Variants in TRPC4 observed in about 807,000 individuals in gnomAD.
The protein encoded by TRPC4 is short transient receptor potential channel 4.
TRPC4 carries 49 observed loss-of-function variants against 99.4 expected under a neutral mutation model. That is an observed-to-expected ratio of 0.49 (90% CI 0.39 to 0.63). The LOEUF is 0.63. TRPC4 is among the 20% of genes least tolerant of loss of function. The pLI, the probability that TRPC4 is intolerant of heterozygous loss-of-function variation, is 0.00. For synonymous variants in TRPC4, 454 were observed against 425.9 expected (o/e 1.07, Z -0.81); for missense variants, 898 against 1,152.9 (o/e 0.78, Z 3.20).
In TRPC4 at chr13:37,848,543, G is replaced by T. The variant is rs1958970325; in HGVS notation, c.-28+21052C>A. On this transcript the variant is annotated intron_variant, in intron 1 of 10. Coordinates refer to ENST00000379705, the MANE Select transcript of TRPC4 (RefSeq NM_016179.4). ...ACATAGATAGAGGGAAAATCAAGTT[G>T]CAGACAGAAGTGAGCTTGAAGTTTC... 1.3e-5 allele frequency among the ~76,000 whole-genome samples: 2 copies of T among 152,126 alleles called. 1 individual carries two copies. Among genetic ancestry groups the T allele is most frequent in the South Asian group, 4.1e-4 (2 of 4,832 alleles).
At chr13:37,787,795 G>A (rs1266594883) in intron 1 of TRPC4, among the ~76,000 whole-genome samples, 1 of 151,928 alleles carries the variant, frequency 6.6e-6, no homozygotes, top group Non-Finnish European at 1.5e-5. Context: ...TTTATCCTAG[G>A]ATTTTAAAGA....
chr13:37,647,130 C>G (rs1297210468), intron 8 of TRPC4, among the ~76,000 whole-genome samples: 2 of 152,072 alleles, frequency 1.3e-5, no homozygotes, highest in Non-Finnish European at 2.9e-5. Flanking sequence ...ATAATGGGCT[C>G]CTAGAGAGTG....
intron 1 of TRPC4, among the ~76,000 whole-genome samples, chr13:37,848,873 T>C (rs553139022): frequency 6.6e-6 from 1 of 152,276 alleles, no homozygotes; most frequent in Non-Finnish European, 1.5e-5. Flanking sequence ...GTCTATGAAG[T>C]AGAAATGAGG....
chr13:37,832,941 CCTA>C, intron 1 of TRPC4, among the ~76,000 whole-genome samples: 1 of 152,052 alleles, frequency 6.6e-6, no homozygotes, highest in Non-Finnish European at 1.5e-5. Flanking sequence ...TTTTATTTAT[CCTA>C]CTATGTCTAT....
At chr13:37,786,743 A>G (rs1334652966) in intron 1 of TRPC4, among the ~76,000 whole-genome samples, 2 of 152,128 alleles carry the variant, frequency 1.3e-5, no homozygotes, top group Non-Finnish European at 2.9e-5. Flanking sequence ...CAGAATTTTA[A>G]GAATGCTTTC....
At chr13:37,668,311 G>A (rs1952717005) in intron 5 of TRPC4, among the ~76,000 whole-genome samples, 1 of 152,182 alleles carries the variant, frequency 6.6e-6, no homozygotes, top group South Asian at 2.1e-4. Flanking sequence ...ATATAATAGA[G>A]AGGTACTTTT....
chr13:37,662,149 A>C (rs1952467433), intron 6 of TRPC4, among the ~76,000 whole-genome samples: 1 of 152,012 alleles, frequency 6.6e-6, no homozygotes, highest in Non-Finnish European at 1.5e-5. Flanking sequence ...ATCTCTACTA[A>C]AAATACAAAA....
intron 5 of TRPC4, among the ~76,000 whole-genome samples, chr13:37,666,718 T>G (rs1952658122): frequency 6.6e-6 from 1 of 152,196 alleles, no homozygotes; most frequent in Non-Finnish European, 1.5e-5. Context: ...TAGGAGCAAT[T>G]TACAAAACCT....
At chr13:37,789,845 C>A (rs1300835167) in intron 1 of TRPC4, among the ~76,000 whole-genome samples, 1 of 151,968 alleles carries the variant, frequency 6.6e-6, no homozygotes, top group Admixed American at 6.6e-5. Flanking sequence ...TTCAGAATGG[C>A]ACAAGACTTT....
intron 4 of TRPC4, among the ~76,000 whole-genome samples, chr13:37,680,560 C>T (rs1953203643): frequency 6.6e-6 from 1 of 152,238 alleles, no homozygotes; most frequent in Non-Finnish European, 1.5e-5. Flanking sequence ...ATCACAATCG[C>T]TGCCATGAGA....
At chr13:37,856,930 C>A (rs1434142496) in intron 1 of TRPC4, among the ~76,000 whole-genome samples, 4 of 151,492 alleles carry the variant, frequency 2.6e-5, no homozygotes, top group African/African-American at 4.8e-5. Context: ...AAACCCACAT[C>A]TAGTATCATA....
In TRPC4 at chr13:37,692,316, C is replaced by A. The variant is rs1306960008; in HGVS notation, c.917G>T (p.Cys306Phe). ...CCAGCGAGATGCCAGCAGCTGTTGA[C>A]AATTGGGCTGGGCAACAAACTAAAC... is the stretch of plus-strand genomic sequence containing the variant. ...RQKEFVAQPN[C>F]QQLLASRWYD... The change falls in exon 4 of 11, where the codon TGT becomes TTT. Residue 306 changes from cysteine to phenylalanine, a missense_variant. By Grantham distance (205) the Cys-to-Phe change is radical. Transcript: ENST00000379705. 1 of 1,613,472 alleles carries A rather than the reference C, an allele frequency of 6.2e-7. No individual in the cohort carries two copies. Among genetic ancestry groups the A allele is most frequent in the Admixed American group, 1.7e-5 (1 of 60,004 alleles).
intron 8 of TRPC4, among the ~76,000 whole-genome samples, chr13:37,640,728 C>T (rs1440438017): frequency 6.6e-6 from 1 of 152,108 alleles, no homozygotes; most frequent in African/African-American, 2.4e-5. Context: ...ACAAACTGCA[C>T]TTCTAAAAGG....
At chr13:37,696,029 G>T (rs181666825) in intron 3 of TRPC4, among the ~76,000 whole-genome samples, 38 of 152,302 alleles carry the variant, frequency 2.5e-4, no homozygotes, top group African/African-American at 8.9e-4. Flanking sequence ...CCGAAACTGG[G>T]CACTTTACAG....
chr13:37,746,075 C>T lies in TRPC4; in HGVS notation c.759G>A (p.Lys253=). 6.2e-7 allele frequency: 1 copy of T among 1,613,924 alleles called. No individual in the cohort carries two copies. Residue 253 remains lysine (K), a synonymous_variant, in exon 3 of 11, where the codon AAG becomes AAA. Coordinates refer to ENST00000379705, the MANE Select transcript of TRPC4 (RefSeq NM_016179.4). ...AACTTCTCGTCTGATCCAGTAGGTC[C>T]TTAGCAAATTGTTTGCACTGCCGTG... The part of the protein sequence containing the change: ...ELSRQCKQFA[K]DLLDQTRSSR...
At chr13:37,686,487 T>A (rs1953486209) in intron 4 of TRPC4, among the ~76,000 whole-genome samples, 1 of 152,076 alleles carries the variant, frequency 6.6e-6, no homozygotes, top group Admixed American at 6.6e-5. Flanking sequence ...ATAGTATTAT[T>A]TGACTCTATG....
chr13:37,695,862 C>T (rs928744755), intron 3 of TRPC4, among the ~76,000 whole-genome samples: 2 of 151,872 alleles, frequency 1.3e-5, no homozygotes, highest in Non-Finnish European at 2.9e-5. Context: ...ATTAACTACT[C>T]GAAACATGAA....
At chr13:37,666,293 A>G (rs969822761) in intron 5 of TRPC4, among the ~76,000 whole-genome samples, 1 of 152,174 alleles carries the variant, frequency 6.6e-6, no homozygotes, top group East Asian at 1.9e-4. Context: ...CTCCTGTGGT[A>G]CAAACCCCTG....
chr13:37,659,426 A>G (rs1054704883), intron 6 of TRPC4, among the ~76,000 whole-genome samples: 3 of 152,174 alleles, frequency 2.0e-5, no homozygotes, highest in Non-Finnish European at 4.4e-5. Flanking sequence ...TAGAGTGTGC[A>G]GAACCATAAA....
Sources: allele counts gnomAD v4.1 joint callset (sites outside exome capture counted in the v4.1 genomes callset), GRCh38; gene constraint gnomAD v4.1.1; transcripts MANE v1.5; gene names NCBI Gene and HGNC (gene_info 2026-07-23, HGNC 2026-07-21).